Variants in ANKS1B observed in about 807,000 individuals in gnomAD.
ANKS1B encodes ankyrin repeat and sterile alpha motif domain containing 1B.
ANKS1B carries 36 observed loss-of-function variants against 148.3 expected under a neutral mutation model. The ratio of observed to expected loss-of-function variants is 0.24; its 90% CI spans 0.19 to 0.32. The LOEUF is 0.32. Among genes scored for constraint, ANKS1B ranks in the 10% least tolerant of loss-of-function variants. The pLI is 1.00. For missense variants in ANKS1B, 1,157 were observed against 1,542.6 expected (o/e 0.75, Z 4.19); for synonymous variants, 542 against 560.8 (o/e 0.97, Z 0.47).
At chr12:98,935,449 T>C (rs1043213079) in intron 17 of ANKS1B, among the ~76,000 whole-genome samples, 1 of 152,202 alleles carries the variant, frequency 6.6e-6, no homozygotes, top group African/African-American at 2.4e-5. Flanking sequence ...TTTTGTACTG[T>C]CTTTATCTGG....
chr12:99,516,695 A>G (rs1370944679), intron 9 of ANKS1B, among the ~76,000 whole-genome samples: 2 of 152,134 alleles, frequency 1.3e-5, no homozygotes, highest in East Asian at 3.9e-4. Context: ...GCACATATTT[A>G]CCTATGTAAC....
chr12:99,029,484 C>A (rs182921959), intron 17 of ANKS1B, among the ~76,000 whole-genome samples: 146 of 152,320 alleles, frequency 9.6e-4, no homozygotes, highest in African/African-American at 3.3e-3. Context: ...GAATTGCTCA[C>A]GCTTTAGAGC....
chr12:98,934,837 T>C (rs1039571761), intron 17 of ANKS1B, among the ~76,000 whole-genome samples: 4 of 152,048 alleles, frequency 2.6e-5, no homozygotes, highest in Non-Finnish European at 5.9e-5. Context: ...ATACCAACTT[T>C]ACTGAATTCA....
intron 4 of ANKS1B, among the ~76,000 whole-genome samples, chr12:99,783,346 T>C (rs2064578998): frequency 6.6e-6 from 1 of 152,186 alleles, no homozygotes; most frequent in Non-Finnish European, 1.5e-5. Context: ...ACAAAGCCTA[T>C]TTTATGATAA....
At chr12:99,457,273 C>T (rs1172341402) in intron 10 of ANKS1B, among the ~76,000 whole-genome samples, 4 of 151,294 alleles carry the variant, frequency 2.6e-5, no homozygotes, top group Non-Finnish European at 4.4e-5. Flanking sequence ...TTTTTTTAAC[C>T]TCTAAATCTT....
At chr12:98,781,981 G>C (rs2098741540) in intron 23 of ANKS1B, 145 bp downstream of exon 23, 1 of 668,088 alleles carries the variant, frequency 1.5e-6, no homozygotes, top group Admixed American at 2.8e-5. Context: ...ACAGTTTTAT[G>C]CATCTGCAAA....
At chr12:99,446,993 T>C (rs2095647347) in intron 10 of ANKS1B, among the ~76,000 whole-genome samples, 1 of 151,978 alleles carries the variant, frequency 6.6e-6, no homozygotes, top group African/African-American at 2.4e-5. Flanking sequence ...AAGAATTTTT[T>C]TGATGGCTCC....
intron 12 of ANKS1B, among the ~76,000 whole-genome samples, chr12:99,383,007 T>A (rs1438589052): frequency 6.6e-6 from 1 of 152,070 alleles, no homozygotes; most frequent in African/African-American, 2.4e-5. Context: ...AAAAGCCTAG[T>A]AAATTCTACA....
At chr12:99,903,446 A>G (rs960481864) in intron 1 of ANKS1B, among the ~76,000 whole-genome samples, 19 of 152,202 alleles carry the variant, frequency 1.2e-4, no homozygotes, top group African/African-American at 2.7e-4. Flanking sequence ...TACTTCTAGG[A>G]GAAATGCCCT....
intron 9 of ANKS1B, among the ~76,000 whole-genome samples, chr12:99,565,277 T>C (rs1302587183): frequency 2.6e-5 from 4 of 152,132 alleles, no homozygotes; most frequent in Non-Finnish European, 5.9e-5. Flanking sequence ...TGGCATCAAC[T>C]AAATTAGGTG....
intron 16 of ANKS1B, among the ~76,000 whole-genome samples, chr12:99,057,177 T>A: frequency 6.6e-6 from 1 of 152,198 alleles, no homozygotes; most frequent in Non-Finnish European, 1.5e-5. Context: ...TTGGGTGATC[T>A]TTGGCAAGTT....
chr12:99,807,159 TAA>T (rs2067725498), intron 3 of ANKS1B, among the ~76,000 whole-genome samples: 1 of 152,212 alleles, frequency 6.6e-6, no homozygotes, highest in African/African-American at 2.4e-5. Context: ...TTTCCCAAAT[TAA>T]GTTTCATTTT....
At chr12:99,939,089 C>T (rs2094852661) in intron 1 of ANKS1B, among the ~76,000 whole-genome samples, 1 of 152,030 alleles carries the variant, frequency 6.6e-6, no homozygotes, top group African/African-American at 2.4e-5. Flanking sequence ...TCTGAAGGTT[C>T]TTTTTTAAAA....
At chr12:99,365,528 G>T (rs934440784) in intron 12 of ANKS1B, among the ~76,000 whole-genome samples, 2 of 152,186 alleles carry the variant, frequency 1.3e-5, no homozygotes, top group Admixed American at 1.3e-4. Context: ...GGTATAGAGA[G>T]TGGAGAGTTG....
intron 1 of ANKS1B, among the ~76,000 whole-genome samples, chr12:99,921,277 A>G (rs2094344551): frequency 6.6e-6 from 1 of 152,016 alleles, no homozygotes; most frequent in Non-Finnish European, 1.5e-5. Context: ...ATGCTTTTAT[A>G]AGGGGCTCTT....
chr12:99,511,767 C>T (rs181127740), intron 9 of ANKS1B, among the ~76,000 whole-genome samples: 1 of 152,054 alleles, frequency 6.6e-6, no homozygotes, highest in Non-Finnish European at 1.5e-5. Context: ...CACACATCTA[C>T]AACAATCTGA....
intron 12 of ANKS1B, among the ~76,000 whole-genome samples, chr12:99,317,183 A>AT (rs1374880769): frequency 3.3e-5 from 5 of 152,294 alleles, no homozygotes; most frequent in African/African-American, 1.2e-4. Context: ...ACTTTAAAGT[A>AT]GTTTTTTCCA....
At chr12:99,812,511 CCACACACA>C (rs10539640) in intron 2 of ANKS1B, among the ~76,000 whole-genome samples, 200 bp from the exon 3 acceptor site, 84 of 126,084 alleles carry the variant, frequency 6.7e-4, no homozygotes, top group Non-Finnish European at 7.1e-4. Context: ...TCACCCCATG[CCACACACA>C]CACACACACA....
Position 98,858,328 on chromosome 12 carries a change from A to G in ANKS1B, c.2779-26192T>C, listed in dbSNP as rs139993126. On this transcript the variant is annotated intron_variant, in intron 17 of 26. Coordinates refer to ENST00000683438, the MANE Select transcript of ANKS1B (RefSeq NM_001352186.2). ...GAGGAAAAGCTGGTCAGATGAATGTAAGAGAGGCTTCTTTTATTTGTTCAT... is the reference window on the plus strand; with the variant it reads ...GAGGAAAAGCTGGTCAGATGAATGTGAGAGAGGCTTCTTTTATTTGTTCAT... 3.9e-3 allele frequency among the ~76,000 whole-genome samples: 590 copies of G among 152,318 alleles called. 3 individuals are homozygous for G. The highest frequency in any genetic ancestry group is 5.2e-3 in the Non-Finnish European group (354 of 68,012).
Sources: gnomAD v4.1 joint callset for allele counts (sites outside exome capture counted in the v4.1 genomes callset) on GRCh38, gnomAD v4.1.1 for gene constraint, MANE v1.5 for transcripts, NCBI Gene and HGNC (gene_info 2026-07-23, HGNC 2026-07-21) for gene names.